EPB41L3: variants seen among roughly 807,000 people sequenced by gnomAD.
EPB41L3 encodes band 4.1-like protein 3.
A neutral mutation model predicts 127.1 loss-of-function variants in EPB41L3; 57 were observed. That is an observed-to-expected ratio of 0.45 (90% CI 0.36 to 0.56). The LOEUF (loss-of-function observed/expected upper bound fraction) is 0.56, where lower values mean the gene tolerates loss of function less well. EPB41L3 is among the 20% of genes least tolerant of loss of function. EPB41L3 has a pLI of 0.00. For missense variants in EPB41L3, 1,273 were observed against 1,372.2 expected, an observed-to-expected ratio of 0.93 and a Z score of 1.14; for synonymous variants, 572 against 549.5, an observed-to-expected ratio of 1.04 and a Z score of -0.57.
At chr18:5,552,762 A>T (rs2093983455) in intron 3 of EPB41L3, among the ~76,000 whole-genome samples, 3 of 152,184 alleles carry the variant, frequency 2.0e-5, no homozygotes, top group Admixed American at 2.0e-4. Context: ...GGTAGAATCT[A>T]TTATTACCCT....
chr18:5,559,945 T>C (rs963050237), intron 3 of EPB41L3, among the ~76,000 whole-genome samples: 2 of 152,254 alleles, frequency 1.3e-5, no homozygotes, highest in Admixed American at 6.5e-5. Flanking sequence ...ATGCACTCTG[T>C]AGAATGAGCA....
intron 3 of EPB41L3, among the ~76,000 whole-genome samples, chr18:5,572,144 A>T (rs1423781244): frequency 6.6e-6 from 1 of 152,220 alleles, no homozygotes; most frequent in African/African-American, 2.4e-5. Context: ...TGCTTTTTAC[A>T]TTACCAGTTA....
upstream of EPB41L3, among the ~76,000 whole-genome samples, chr18:5,548,387 T>C (rs902676408): frequency 6.6e-6 from 1 of 152,202 alleles, no homozygotes. Flanking sequence ...AAGGCACAGA[T>C]GCAAAACGAA....
intron 6 of EPB41L3, among the ~76,000 whole-genome samples, chr18:5,436,132 T>G (rs541433558): frequency 1.3e-5 from 2 of 152,298 alleles, no homozygotes; most frequent in South Asian, 4.1e-4. Context: ...CCAAGGTAAG[T>G]GTTAACATTG....
chr18:5,517,789 T>C (rs972183251), intron 1 of EPB41L3, among the ~76,000 whole-genome samples: 2 of 152,110 alleles, frequency 1.3e-5, no homozygotes, highest in African/African-American at 4.8e-5. Context: ...ATCAGCAGCA[T>C]GTGGCCGGGT....
chr18:5,605,676 G>A (rs1485277378), intron 3 of EPB41L3, among the ~76,000 whole-genome samples: 2 of 151,886 alleles, frequency 1.3e-5, no homozygotes, highest in Non-Finnish European at 2.9e-5. Flanking sequence ...CTCCCACCTC[G>A]GCCTTCCAAA....
At chr18:5,395,489 G>A (rs983803864) in intron 20 of EPB41L3, 120 bp downstream of exon 20, 14 of 866,152 alleles carry the variant, frequency 1.6e-5, no homozygotes, top group Middle Eastern at 3.2e-4. Flanking sequence ...CAGCTATCCC[G>A]GCGTCCTGAG....
intron 18 of EPB41L3, among the ~76,000 whole-genome samples, chr18:5,396,574 C>A (rs58866709): frequency 0.033 from 5,019 of 152,116 alleles, 101 homozygotes; most frequent in African/African-American, 0.057. Context: ...AAAAAGTTTT[C>A]TATTTAATAA....
At position 5,396,346 on chromosome 18, in the gene EPB41L3, G is replaced by A. The variant is rs748802311; in HGVS notation, c.2842-14C>T. 6.2e-7 allele frequency: 1 copy of A among 1,614,036 alleles called. No individual in the cohort carries two copies. The highest frequency in any genetic ancestry group is 8.5e-7 in the Non-Finnish European group (1 of 1,179,968). On this transcript the variant is annotated splice_polypyrimidine_tract_variant and intron_variant, in intron 18 of 22. Coordinates refer to ENST00000341928, the MANE Select transcript of EPB41L3 (RefSeq NM_012307.5). ...CACCGTTGAGGACTGTGCCAAAGGG[G>A]AGTAAGCAGAGTGGCTGTTATAGTT...
intron 3 of EPB41L3, among the ~76,000 whole-genome samples, chr18:5,579,668 T>C (rs753500645): frequency 1.3e-4 from 20 of 152,232 alleles, no homozygotes; most frequent in Non-Finnish European, 2.1e-4. Context: ...TGAGTGACCT[T>C]GTCTATAGGT....
At chr18:5,561,144 A>G (rs990242462) in intron 3 of EPB41L3, among the ~76,000 whole-genome samples, 2 of 150,910 alleles carry the variant, frequency 1.3e-5, no homozygotes, top group African/African-American at 4.9e-5. Flanking sequence ...CGCCCGGCTA[A>G]TGTCTTGTAT....
chr18:5,419,428 C>T (rs781034390), intron 12 of EPB41L3, among the ~76,000 whole-genome samples: 21 of 152,220 alleles, frequency 1.4e-4, no homozygotes, highest in African/African-American at 1.7e-4. Context: ...AAGTGTAATA[C>T]GCCACCAAAA....
chr18:5,565,848 T>G (rs539761096), intron 3 of EPB41L3, among the ~76,000 whole-genome samples: 1 of 152,010 alleles, frequency 6.6e-6, no homozygotes, highest in Non-Finnish European at 1.5e-5. Flanking sequence ...GGTGTATATG[T>G]GCCACATTTT....
intron 3 of EPB41L3, among the ~76,000 whole-genome samples, chr18:5,572,062 T>C (rs534153163): frequency 6.6e-6 from 1 of 152,238 alleles, no homozygotes; most frequent in South Asian, 2.1e-4. Flanking sequence ...GAGGTCAGAG[T>C]CAGACGACAG....
chr18:5,418,918 G>T (rs1029813611), intron 12 of EPB41L3, among the ~76,000 whole-genome samples: 2 of 152,034 alleles, frequency 1.3e-5, no homozygotes, highest in Non-Finnish European at 2.9e-5. Context: ...TTTTCATTCT[G>T]CTATTTCCTC....
intron 3 of EPB41L3, among the ~76,000 whole-genome samples, chr18:5,552,863 C>T (rs2093984705): frequency 6.6e-6 from 1 of 152,160 alleles, no homozygotes. Flanking sequence ...GACACAAGCT[C>T]GGGTAGTCTG....
chr18:5,530,769 C>T (rs2093385794), intron 1 of EPB41L3, among the ~76,000 whole-genome samples: 1 of 152,186 alleles, frequency 6.6e-6, no homozygotes, highest in African/African-American at 2.4e-5. Context: ...CACACACCCA[C>T]AGCTGGTAGG....
chr18:5,407,891 TCA>T (rs1218552635), intron 14 of EPB41L3, among the ~76,000 whole-genome samples, 155 bp from the exon 15 acceptor site: 1 of 152,200 alleles, frequency 6.6e-6, no homozygotes, highest in East Asian at 1.9e-4. Context: ...CACAACATTC[TCA>T]CACACAATTA....
At chr18:5,408,789 A>C (rs892643520) in intron 14 of EPB41L3, among the ~76,000 whole-genome samples, 2 of 152,170 alleles carry the variant, frequency 1.3e-5, no homozygotes, top group African/African-American at 4.8e-5. Context: ...TCTAATTTCA[A>C]GGAGTGGTCT....
Sources: allele counts gnomAD v4.1 joint callset (sites outside exome capture counted in the v4.1 genomes callset), GRCh38; gene constraint gnomAD v4.1.1; transcripts MANE v1.5; gene names NCBI Gene and HGNC (gene_info 2026-07-23, HGNC 2026-07-21).